Variants in SYCP1 observed in about 807,000 individuals in gnomAD.
SYCP1 encodes the protein synaptonemal complex protein 1, also known as cancer/testis antigen 8.
In SYCP1, 64 loss-of-function variants were observed where a neutral mutation model predicts 153.1. That is an observed-to-expected ratio of 0.42 (90% confidence interval 0.34 to 0.51). The LOEUF is 0.51. Ranked by LOEUF, SYCP1 falls within the 20% of genes least tolerant of loss-of-function variation. The probability of loss-of-function intolerance (pLI) is 0.06; values close to 1 mark genes in which losing one functional copy is unlikely to be tolerated. For synonymous variants in SYCP1, 384 were observed against 341.8 expected, an observed-to-expected ratio of 1.12 and a Z score of -1.36; for missense variants, 997 against 1,049.0, an observed-to-expected ratio of 0.95 and a Z score of 0.68.
chr1:114,970,511 GT>G lies in SYCP1; in HGVS notation c.2323-7034del, dbSNP rs566449119. ...CTTGTTTTGTCATATTACCAGAATT[GT>G]TTTTTTTTTTTCTAGTTTGGATAGA... On this transcript the variant is annotated intron_variant, in intron 27 of 31. Coordinates refer to ENST00000369522, the MANE Select transcript of SYCP1 (RefSeq NM_003176.4). 1.8e-3 allele frequency among the ~76,000 whole-genome samples: 251 copies of G among 143,018 alleles called. 2 individuals are homozygous for G. Among genetic ancestry groups the G allele is most frequent in the African/African-American group, 4.5e-3 (178 of 39,208 alleles). The allele number at this position is 143,018 out of a possible 152,430, so 93.8% of individuals were successfully genotyped here.
intron 27 of SYCP1, among the ~76,000 whole-genome samples, chr1:114,965,968 G>A (rs529935421): frequency 2.2e-4 from 34 of 152,208 alleles, no homozygotes; most frequent in African/African-American, 8.2e-4. Flanking sequence ...GAACCCATCT[G>A]GTCCTGGGCT....
chr1:114,980,702 A>AT (rs200674112), intron 28 of SYCP1, among the ~76,000 whole-genome samples: 1,734 of 151,506 alleles, frequency 0.011, 14 homozygotes, highest in African/African-American at 0.027. Flanking sequence ...AGGAGTAAAG[A>AT]TTTTTTTTTA....
chr1:114,957,773 T>C lies in SYCP1; in HGVS notation c.2322+10453T>C, dbSNP rs542217017. Among the ~76,000 whole-genome samples the C allele has an allele frequency of 2.6e-5, 4 of 152,174 alleles. No homozygotes were observed. In the East Asian group the frequency reaches 5.8e-4, roughly 22 times the overall value. ...CTATTAGGATGGCTGTTGCTAAAAG[T>C]CAAAAGATAGCAAGTGTTGATGAGG... On this transcript the variant is annotated intron_variant, in intron 27 of 31. Coordinates refer to ENST00000369522, the MANE Select transcript of SYCP1 (RefSeq NM_003176.4).
In SYCP1 at chr1:114,994,675, ATATTTTTT is replaced by A. The variant is rs1557860330; in HGVS notation, c.2704-15_2704-8del. On this transcript the variant is annotated splice_polypyrimidine_tract_variant and intron_variant, in intron 30 of 31. Transcript: ENST00000369522. ...TATTAATGATGGTAAACCCAACATC[ATATTTTTT>A]TATTTTTCTTCAAGAGCATGGTTTC... The A allele has an allele frequency of 3.3e-6, 5 of 1,522,226 alleles. No individual in the cohort carries two copies. Among genetic ancestry groups the A allele is most frequent in the Non-Finnish European group, 4.4e-6 (5 of 1,135,992 alleles). 94.3% of individuals were successfully genotyped at this position (1,522,226 alleles called of 1,614,324 possible). A position where few individuals can be genotyped will look rare whatever the true frequency, so the allele number is the denominator to read the frequency against.
At chr1:114,885,762 G>T in intron 13 of SYCP1, 133 bp downstream of exon 13, 1 of 556,950 alleles carries the variant, frequency 1.8e-6, no homozygotes, top group South Asian at 2.8e-5. Flanking sequence ...ATCCTAGTCT[G>T]CAAAATGCTA....
At chr1:114,953,943 T>G (rs1169165058) in intron 27 of SYCP1, among the ~76,000 whole-genome samples, 1 of 152,182 alleles carries the variant, frequency 6.6e-6, no homozygotes, top group East Asian at 1.9e-4. Context: ...ATTTATTAGA[T>G]ATTTGATTTC....
At chr1:114,860,366 A>T (rs1054523168) in intron 7 of SYCP1, among the ~76,000 whole-genome samples, 2 of 152,142 alleles carry the variant, frequency 1.3e-5, no homozygotes, top group African/African-American at 4.8e-5. Context: ...TTAATTTGTT[A>T]ATGAATGGCC....
chr1:114,989,187 C>CA lies in SYCP1; in HGVS notation c.2703+4327dup, dbSNP rs532962963. Among the ~76,000 whole-genome samples the CA allele has an allele frequency of 9.2e-3, 1,391 of 151,024 alleles. 24 individuals carry two copies. Among genetic ancestry groups the CA allele is most frequent in the African/African-American group, 0.031 (1,272 of 41,228 alleles). ...GTCAAAACAAAACAAAACAAAAAAC[C>CA]AAAAAAAACCCCAAAAACAAAACAG... On this transcript the variant is annotated intron_variant, in intron 30 of 31. Coordinates refer to ENST00000369522, the MANE Select transcript of SYCP1 (RefSeq NM_003176.4).
At chr1:114,980,266 A>C (rs948827423) in intron 28 of SYCP1, among the ~76,000 whole-genome samples, 1 of 151,932 alleles carries the variant, frequency 6.6e-6, no homozygotes, top group Non-Finnish European at 1.5e-5. Flanking sequence ...ACTGTAAAAT[A>C]GAAAGTGATG....
At chr1:114,857,917 A>G (rs1474097646) in intron 5 of SYCP1, among the ~76,000 whole-genome samples, 6 of 152,050 alleles carry the variant, frequency 3.9e-5, no homozygotes. Flanking sequence ...GAAATTCCAT[A>G]GCCTGGTAAG....
At chr1:114,909,379 C>A (rs888397862) in intron 16 of SYCP1, among the ~76,000 whole-genome samples, 1 of 151,894 alleles carries the variant, frequency 6.6e-6, no homozygotes, top group Non-Finnish European at 1.5e-5. Flanking sequence ...CCTCTTCCAG[C>A]CACTTGTGTT....
At chr1:114,881,066 C>T (rs938030831) in intron 12 of SYCP1, among the ~76,000 whole-genome samples, 51 of 151,148 alleles carry the variant, frequency 3.4e-4, no homozygotes, top group South Asian at 1.9e-3. Context: ...TACACACACA[C>T]ACACACACAC....
chr1:114,970,996 G>A (rs1652518705), intron 27 of SYCP1, among the ~76,000 whole-genome samples: 1 of 152,200 alleles, frequency 6.6e-6, no homozygotes, highest in Non-Finnish European at 1.5e-5. Context: ...TTGGAGTAGG[G>A]TTGGTCTGTT....
intron 27 of SYCP1, among the ~76,000 whole-genome samples, chr1:114,959,575 T>C (rs1311150015): frequency 6.6e-6 from 1 of 152,202 alleles, no homozygotes; most frequent in Non-Finnish European, 1.5e-5. Flanking sequence ...TCCTTTGTAT[T>C]ACAAACAATC....
chr1:114,995,190 C>T lies in SYCP1; in HGVS notation c.*171C>T. 2 of 546,066 alleles carry T rather than the reference C, an allele frequency of 3.7e-6. No individual in the cohort carries two copies. Among genetic ancestry groups the T allele is most frequent in the Non-Finnish European group, 6.0e-6 (2 of 335,054 alleles). 33.8% of individuals were successfully genotyped at this position (546,066 alleles called of 1,614,324 possible). On this transcript the variant is annotated 3_prime_UTR_variant, in exon 32 of 32. Coordinates refer to ENST00000369522, the MANE Select transcript of SYCP1 (RefSeq NM_003176.4). Reference sequence around the variant, plus strand: ...AGCCTAAATGTTAACTACATATTGTCTGGAAACCTGTCATTGTATTCAGAT... The same window carrying T: ...AGCCTAAATGTTAACTACATATTGTTTGGAAACCTGTCATTGTATTCAGAT...
intron 23 of SYCP1, among the ~76,000 whole-genome samples, chr1:114,938,610 A>G (rs948500593): frequency 1.4e-4 from 21 of 152,152 alleles, no homozygotes; most frequent in Admixed American, 5.9e-4. Flanking sequence ...TAAAGGAAAA[A>G]AAAGAATGAG....
chr1:114,920,937 G>A (rs1668824897), intron 20 of SYCP1, among the ~76,000 whole-genome samples: 4 of 151,922 alleles, frequency 2.6e-5, no homozygotes, highest in Admixed American at 2.6e-4. Flanking sequence ...CCATTCAATT[G>A]CTCTATGTCT....
chr1:114,934,744 C>T (rs1464538577), intron 23 of SYCP1, among the ~76,000 whole-genome samples: 6 of 151,938 alleles, frequency 3.9e-5, no homozygotes, highest in Admixed American at 3.9e-4. Context: ...CAAAAAAAAG[C>T]AGGGGTTGCC....
At chr1:114,987,146 T>A (rs1673570045) in intron 30 of SYCP1, among the ~76,000 whole-genome samples, 1 of 151,842 alleles carries the variant, frequency 6.6e-6, no homozygotes, top group South Asian at 2.1e-4. Flanking sequence ...AGGATTAGGA[T>A]ATTCAAAAGC....
Sources: allele counts gnomAD v4.1 joint callset (sites outside exome capture counted in the v4.1 genomes callset), GRCh38; gene constraint gnomAD v4.1.1; transcripts MANE v1.5; gene names NCBI Gene and HGNC (gene_info 2026-07-23, HGNC 2026-07-21).